MORC3: variants seen among roughly 807,000 people sequenced by gnomAD.
The protein encoded by MORC3 is MORC family CW-type zinc finger 3.
Under a neutral mutation model 109.1 loss-of-function variants are expected in MORC3, and 31 were observed. The observed-to-expected ratio is 0.28, with a 90% CI of 0.21 to 0.38. The LOEUF is 0.38. Ranked by LOEUF, MORC3 falls within the 10% of genes least tolerant of loss-of-function variation. MORC3 has a pLI of 1.00. For synonymous variants in MORC3, 395 were observed against 380.7 expected (o/e 1.04, Z -0.44); for missense variants, 867 against 1,135.8 (o/e 0.76, Z 3.40).
At chr21:36,346,288 A>G (rs1437473917) in intron 8 of MORC3, among the ~76,000 whole-genome samples, 1 of 152,204 alleles carries the variant, frequency 6.6e-6, no homozygotes, top group Non-Finnish European at 1.5e-5. Context: ...CAGCGTGCTC[A>G]GATTACAGGC....
At chr21:36,360,492 G>A in intron 12 of MORC3, 1 of 552,518 alleles carries the variant, frequency 1.8e-6, no homozygotes. Context: ...AGAGCAGTCT[G>A]CTGTTGTGAG....
At position 36,335,951 on chromosome 21, in the gene MORC3, G is replaced by A. The variant is rs147096265; in HGVS notation, c.113-923G>A. On this transcript the variant is annotated intron_variant, in intron 2 of 16. Transcript: ENST00000400485. ...CTTTTTTTTCCATTTTTGAGACGGA[G>A]TCTCGCTCTTGTTGCCCAGGCTCGA... Among the ~76,000 whole-genome samples the A allele has an allele frequency of 1.6e-4, 24 of 152,156 alleles. No homozygotes were observed. The East Asian group carries it at 4.5e-3, about 28-fold the overall frequency.
intron 1 of MORC3, among the ~76,000 whole-genome samples, chr21:36,332,892 A>G (rs1266961241): frequency 4.0e-5 from 6 of 149,542 alleles, no homozygotes; most frequent in African/African-American, 1.5e-4. Flanking sequence ...GGTTCATGCC[A>G]TTCTCCTGCC....
At chr21:36,332,957 T>C (rs1401372911) in intron 1 of MORC3, among the ~76,000 whole-genome samples, 1 of 152,004 alleles carries the variant, frequency 6.6e-6, no homozygotes, top group Admixed American at 6.6e-5. Context: ...CCAGGTACTT[T>C]TTTTGTATTT....
At chr21:36,366,240 C>T (rs1439946691) in intron 14 of MORC3, among the ~76,000 whole-genome samples, 3 of 151,364 alleles carry the variant, frequency 2.0e-5, no homozygotes, top group Non-Finnish European at 4.4e-5. Flanking sequence ...TCTTTATGTC[C>T]ATGTGTACCT....
At chr21:36,350,157 A>G (rs997085636) in intron 9 of MORC3, among the ~76,000 whole-genome samples, 3 of 152,070 alleles carry the variant, frequency 2.0e-5, no homozygotes, top group Non-Finnish European at 2.9e-5. Flanking sequence ...AATACAAAAA[A>G]TTAGCAAGGT....
chr21:36,321,527 G>A (rs2085193282), intron 1 of MORC3, among the ~76,000 whole-genome samples: 1 of 151,592 alleles, frequency 6.6e-6, no homozygotes, highest in Non-Finnish European at 1.5e-5. Context: ...TGAAAATAGA[G>A]GACAATTTTA....
At chr21:36,344,016 G>A (rs2085481113) in intron 6 of MORC3, among the ~76,000 whole-genome samples, 1 of 152,090 alleles carries the variant, frequency 6.6e-6, no homozygotes, top group Non-Finnish European at 1.5e-5. Flanking sequence ...AAGATGGTAT[G>A]GTTTTAGTAC....
intron 6 of MORC3, among the ~76,000 whole-genome samples, chr21:36,344,014 A>T (rs117910454): frequency 1.3e-5 from 2 of 152,174 alleles, no homozygotes; most frequent in Non-Finnish European, 2.9e-5. Flanking sequence ...AGAAGATGGT[A>T]TGGTTTTAGT....
chr21:36,365,889 T>C (rs1279271534), intron 14 of MORC3, among the ~76,000 whole-genome samples: 1 of 152,070 alleles, frequency 6.6e-6, no homozygotes, highest in Non-Finnish European at 1.5e-5. Flanking sequence ...GCCAGTTTGC[T>C]CTTTATAACC....
chr21:36,320,278 C>G lies in MORC3; in HGVS notation c.14C>G (p.Pro5Arg). The change falls in exon 1 of 17, where the codon CCA becomes CGA. Residue 5 changes from proline (P) to arginine (R), a missense_variant. Physicochemically the swap from Pro to Arg is moderately radical, Grantham distance 103. Coordinates refer to ENST00000400485, the MANE Select transcript of MORC3 (RefSeq NM_015358.3). The stretch of plus-strand genomic sequence containing the variant: ...AGCTCGCTCAAGATGGCGGCGCAGC[C>G]ACCCCGCGGGATACGCCTCAGCGCG... MAAQ[P>R]PRGIRLSALC... 1.9e-6 allele frequency: 3 copies of G among 1,579,760 alleles called. No individual in the cohort carries two copies. Among genetic ancestry groups the G allele is most frequent in the South Asian group, 1.1e-5 (1 of 87,044 alleles).
In MORC3 at chr21:36,356,695, T is replaced by C. The variant is rs776440597; in HGVS notation, c.1179T>C (p.Tyr393=). 13 of 1,597,632 alleles carry C rather than the reference T, an allele frequency of 8.1e-6. No individual in the cohort carries two copies. The South Asian group carries it at 1.1e-4, about 14-fold the overall frequency. ...NEMKVKKNTE[Y]PLNLPVEDIQ... ...TGAAAGTGAAGAAAAATACAGAATA[T>C]CCTCTAAATTTGCCAGTTGAAGATA... Residue 393 remains tyrosine, a synonymous_variant, in exon 10 of 17, where the codon TAT becomes TAC. Coordinates refer to ENST00000400485, the MANE Select transcript of MORC3 (RefSeq NM_015358.3).
At position 36,369,861 on chromosome 21, in the gene MORC3, C is replaced by A. The variant is rs748565331; in HGVS notation, c.2493C>A (p.Asp831Glu). 3 of 1,611,898 alleles carry A rather than the reference C, an allele frequency of 1.9e-6. No homozygotes were observed. The South Asian group carries it at 3.3e-5, about 18-fold the overall frequency. Residue 831 changes from aspartate (D) to glutamate (E), a missense_variant, in exon 15 of 17, where the codon GAC (aspartate) becomes GAA (glutamate). Transcript: ENST00000400485. ...RQLDKCSIER[D>E]QYKSEVELLE... ...TGGACAAATGCAGTATTGAGAGGGACCAGTATAAAAGTGAGGTGAGTTATA... is the reference window on the plus strand; with the variant it reads ...TGGACAAATGCAGTATTGAGAGGGAACAGTATAAAAGTGAGGTGAGTTATA...
intron 8 of MORC3, among the ~76,000 whole-genome samples, chr21:36,347,007 TAAAAAAA>T (rs754081259): frequency 8.8e-6 from 1 of 113,688 alleles, no homozygotes; most frequent in African/African-American, 3.1e-5. Context: ...CCCTGTCTCT[TAAAAAAA>T]AAAAAAAAAA....
chr21:36,375,372 T>C lies in MORC3; in HGVS notation c.*76T>C, dbSNP rs1258062942. ...GCTTTCAAAATATAATTAATTTTGT[T>C]TTATAGATATGATAGGCAACAGACT... On this transcript the variant is annotated 3_prime_UTR_variant, in exon 17 of 17. Coordinates refer to ENST00000400485, the MANE Select transcript of MORC3 (RefSeq NM_015358.3). The C allele has an allele frequency of 7.5e-7, 1 of 1,331,840 alleles. No homozygotes were observed. The highest frequency in any genetic ancestry group is 1.0e-6 in the Non-Finnish European group (1 of 977,672). The allele number at this position is 1,331,840 out of a possible 1,614,324, so 82.5% of individuals were successfully genotyped here.
At chr21:36,357,008 T>C (rs2085652618) in intron 10 of MORC3, among the ~76,000 whole-genome samples, 1 of 152,230 alleles carries the variant, frequency 6.6e-6, no homozygotes, top group Non-Finnish European at 1.5e-5. Flanking sequence ...AACACTGGTA[T>C]AGTGTATCAT....
intron 9 of MORC3, among the ~76,000 whole-genome samples, chr21:36,355,890 T>C (rs2085639711): frequency 6.6e-6 from 1 of 152,198 alleles, no homozygotes; most frequent in South Asian, 2.1e-4. Context: ...TACTTTTTCT[T>C]ATATTATGAC....
At position 36,337,774 on chromosome 21, in the gene MORC3, A is replaced by C. The variant is rs769626346; in HGVS notation, c.288A>C (p.Pro96=). The C allele has an allele frequency of 8.1e-6, 13 of 1,613,958 alleles. No homozygotes were observed. The South Asian group carries it at 1.2e-4, about 15-fold the overall frequency. Residue 96 remains proline (P), a synonymous_variant, in exon 4 of 17, where the codon CCA becomes CCC. Transcript: ENST00000400485. Reference sequence around the variant, plus strand: ...AAGTCACCATGAATGGTCATGTCCCAGTTGGATTATATGGGAATGGCTTCA... The same window carrying C: ...AAGTCACCATGAATGGTCATGTCCCCGTTGGATTATATGGGAATGGCTTCA... ...SDKVTMNGHV[P]VGLYGNGFKS... is the part of the protein sequence containing the mutation.
chr21:36,344,427 C>G (rs1003990728), intron 6 of MORC3, 152 bp from the exon 7 acceptor site: 29 of 921,194 alleles, frequency 3.1e-5, no homozygotes, highest in Non-Finnish European at 4.3e-5. Context: ...GAAAAATAAC[C>G]AAATCAGAAT....
Sources: allele counts gnomAD v4.1 joint callset (sites outside exome capture counted in the v4.1 genomes callset), GRCh38; gene constraint gnomAD v4.1.1; transcripts MANE v1.5; gene names NCBI Gene and HGNC (gene_info 2026-07-23, HGNC 2026-07-21).